KCNIP1: variants seen among roughly 807,000 people sequenced by gnomAD.
KCNIP1 encodes the protein A-type potassium channel modulatory protein KCNIP1.
KCNIP1 carries 18 observed loss-of-function variants against 33.0 expected under a neutral mutation model. That is an observed-to-expected ratio of 0.55 (90% CI 0.38 to 0.81). KCNIP1 has a LOEUF of 0.81. KCNIP1 is among the 30% of genes least tolerant of loss of function. KCNIP1 has a pLI of 0.00. For synonymous variants in KCNIP1, 93 were observed against 98.3 expected, an observed-to-expected ratio of 0.95 and a Z score of 0.32; for missense variants, 238 against 271.6, an observed-to-expected ratio of 0.88 and a Z score of 0.87.
intron 1 of KCNIP1, among the ~76,000 whole-genome samples, chr5:170,692,158 C>T (rs753375194): frequency 2.6e-5 from 4 of 152,080 alleles, no homozygotes; most frequent in Admixed American, 6.5e-5. Context: ...ATTTAACATG[C>T]GTGGGATTAA....
intron 2 of KCNIP1, among the ~76,000 whole-genome samples, 186 bp downstream of exon 2, chr5:170,719,068 G>A (rs1763729844): frequency 1.3e-5 from 2 of 152,126 alleles, no homozygotes; most frequent in Non-Finnish European, 2.9e-5. Context: ...CGAGGATGGA[G>A]CAACCTCAGG....
chr5:170,561,253 A>G (rs961168889), intron 1 of KCNIP1: 21 of 391,806 alleles, frequency 5.4e-5, no homozygotes, highest in Admixed American at 4.5e-4. Context: ...TGGCCCCTGC[A>G]TCCTCAGATG....
chr5:170,616,820 C>T (rs1371560437), intron 1 of KCNIP1, among the ~76,000 whole-genome samples: 2 of 152,258 alleles, frequency 1.3e-5, no homozygotes, highest in East Asian at 3.9e-4. Context: ...TGCTTCCATA[C>T]ACCTGCCTTC....
At chr5:170,528,226 C>T (rs368566026) in intron 1 of KCNIP1, among the ~76,000 whole-genome samples, 15 of 152,226 alleles carry the variant, frequency 9.9e-5, no homozygotes, top group Admixed American at 5.9e-4. Flanking sequence ...ACTTCCCTCT[C>T]GCCTCTCCCA....
At chr5:170,484,803 C>T (rs10054436) in intron 1 of KCNIP1, among the ~76,000 whole-genome samples, 11,647 of 151,786 alleles carry the variant, frequency 0.077, 1,145 homozygotes, top group African/African-American at 0.23. Context: ...CTGCGTTCTG[C>T]TTCTCCCTTC....
At chr5:170,420,545 A>AAT (rs1554091207) in intron 1 of KCNIP1, 1 of 151,644 alleles carries the variant, frequency 6.6e-6, no homozygotes, top group Admixed American at 6.6e-5. Flanking sequence ...AAAAAAAAAA[A>AAT]AATAAAAAGA....
rs549532944 is a variant in KCNIP1 at position 170,607,360 on chromosome 5, G to A, written c.61+102727G>A. Among the ~76,000 whole-genome samples, 8 of 152,288 alleles carry A rather than the reference G, an allele frequency of 5.3e-5. No homozygotes were observed. In the South Asian group the frequency reaches 1.7e-3, roughly 32 times the overall value. On this transcript the variant is annotated intron_variant, in intron 1 of 7. Transcript: ENST00000328939. ...CTTTAACTCCTGAGCCACAGTAAGTGCTCAGTTTATCTAAGCATCATTATC... is the reference window on the plus strand; with the variant it reads ...CTTTAACTCCTGAGCCACAGTAAGTACTCAGTTTATCTAAGCATCATTATC...
intron 1 of KCNIP1, among the ~76,000 whole-genome samples, chr5:170,615,572 T>A (rs1265183074): frequency 6.6e-6 from 1 of 152,064 alleles, no homozygotes; most frequent in African/African-American, 2.4e-5. Context: ...GCAGGGAGAA[T>A]CCCAGCAGCC....
chr5:170,414,289 C>A (rs1581169498), intron 1 of KCNIP1, among the ~76,000 whole-genome samples: 1 of 152,212 alleles, frequency 6.6e-6, no homozygotes, highest in Admixed American at 6.5e-5. Context: ...TCAAGTTTAA[C>A]GTAAAGCTGC....
intron 1 of KCNIP1, among the ~76,000 whole-genome samples, chr5:170,657,209 T>C (rs552994880): frequency 2.0e-5 from 3 of 152,204 alleles, no homozygotes; most frequent in African/African-American, 7.2e-5. Context: ...TTGGCCACGC[T>C]GGTCTTGAAC....
At chr5:170,460,776 C>T (rs958239291) in intron 1 of KCNIP1, among the ~76,000 whole-genome samples, 1 of 152,130 alleles carries the variant, frequency 6.6e-6, no homozygotes, top group Non-Finnish European at 1.5e-5. Flanking sequence ...CACCACTCTT[C>T]TTCAACCTAG....
chr5:170,399,957 C>A (rs1754857058), intron 1 of KCNIP1, among the ~76,000 whole-genome samples: 1 of 152,196 alleles, frequency 6.6e-6, no homozygotes, highest in Admixed American at 6.5e-5. Flanking sequence ...GCCTCTGCCT[C>A]TTCTCTTTTT....
At chr5:170,480,847 C>T (rs1420213120) in intron 1 of KCNIP1, among the ~76,000 whole-genome samples, 1 of 152,146 alleles carries the variant, frequency 6.6e-6, no homozygotes, top group Non-Finnish European at 1.5e-5. Flanking sequence ...CCAAGCATGA[C>T]TACTAATTTC....
At chr5:170,704,334 G>A (rs1561774417) in intron 1 of KCNIP1, among the ~76,000 whole-genome samples, 3 of 134,298 alleles carry the variant, frequency 2.2e-5, no homozygotes, top group Admixed American at 7.3e-5. Flanking sequence ...GATCATGTAA[G>A]CAAAGTACAT....
chr5:170,650,561 G>T (rs867708545), intron 1 of KCNIP1, among the ~76,000 whole-genome samples: 1 of 152,142 alleles, frequency 6.6e-6, no homozygotes, highest in Non-Finnish European at 1.5e-5. Flanking sequence ...ACCACAGTAG[G>T]CTTATTCATT....
intron 1 of KCNIP1, among the ~76,000 whole-genome samples, chr5:170,640,655 G>T (rs1032036588): frequency 1.3e-5 from 2 of 152,356 alleles, no homozygotes; most frequent in African/African-American, 4.8e-5. Context: ...GGAACATAAG[G>T]AGGGGTGGAC....
intron 1 of KCNIP1, among the ~76,000 whole-genome samples, chr5:170,470,563 TTAA>T (rs1374295854): frequency 5.3e-5 from 8 of 152,200 alleles, no homozygotes; most frequent in African/African-American, 1.7e-4. Flanking sequence ...CAGCTCATGC[TTAA>T]GATCAGAACT....
intron 3 of KCNIP1, among the ~76,000 whole-genome samples, chr5:170,721,269 G>A (rs760501693): frequency 6.6e-6 from 1 of 152,180 alleles, no homozygotes; most frequent in Non-Finnish European, 1.5e-5. Flanking sequence ...CCCCAGAATT[G>A]CAGTTTGCTG....
At chr5:170,531,671 G>A (rs1244492100) in intron 1 of KCNIP1, among the ~76,000 whole-genome samples, 1 of 152,198 alleles carries the variant, frequency 6.6e-6, no homozygotes, top group Non-Finnish European at 1.5e-5. Flanking sequence ...AACAGGATCT[G>A]TTCCTTTCCC....
Sources: gnomAD v4.1 joint callset for allele counts (sites outside exome capture counted in the v4.1 genomes callset) on GRCh38, gnomAD v4.1.1 for gene constraint, MANE v1.5 for transcripts, NCBI Gene and HGNC (gene_info 2026-07-23, HGNC 2026-07-21) for gene names.